The following ZNF385D variants were observed in gnomAD, a reference collection of about 807,000 sequenced individuals.
ZNF385D encodes the protein zinc finger protein 659.
ZNF385D carries 15 observed loss-of-function variants against 35.8 expected under a neutral mutation model. The ratio of observed to expected loss-of-function variants is 0.42; its 90% CI spans 0.28 to 0.64. The LOEUF (loss-of-function observed/expected upper bound fraction) is 0.64, where lower values mean the gene tolerates loss of function less well. ZNF385D is among the 30% of genes least tolerant of loss of function. ZNF385D has a pLI of 0.23. For missense variants in ZNF385D, 474 were observed against 494.6 expected (o/e 0.96, Z 0.39); for synonymous variants, 212 against 186.8 (o/e 1.13, Z -1.10).
chr3:21,909,333 AC>A (rs1699848011), intron 3 of ZNF385D, among the ~76,000 whole-genome samples: 1 of 152,050 alleles, frequency 6.6e-6, no homozygotes, highest in African/African-American at 2.4e-5. Context: ...ATGTAACAAC[AC>A]AAAATAACTC....
At chr3:21,644,378 G>A (rs1026870566) in intron 2 of ZNF385D, among the ~76,000 whole-genome samples, 1 of 152,106 alleles carries the variant, frequency 6.6e-6, no homozygotes, top group Non-Finnish European at 1.5e-5. Context: ...AGCCCACCTT[G>A]CATAGGACAC....
At chr3:21,947,163 A>C (rs1345734315) in intron 3 of ZNF385D, among the ~76,000 whole-genome samples, 2 of 152,168 alleles carry the variant, frequency 1.3e-5, no homozygotes, top group Non-Finnish European at 2.9e-5. Context: ...ACTTGGATAT[A>C]AGGAACACTG....
intron 2 of ZNF385D, among the ~76,000 whole-genome samples, chr3:22,240,063 G>GTC (rs1484097994): frequency 6.7e-6 from 1 of 149,156 alleles, no homozygotes; most frequent in Non-Finnish European, 1.5e-5. Context: ...CATGCCTGTA[G>GTC]TCTCAGCTAC....
At chr3:21,742,505 A>G (rs183607000) in intron 1 of ZNF385D, among the ~76,000 whole-genome samples, 1 of 152,344 alleles carries the variant, frequency 6.6e-6, no homozygotes, top group East Asian at 1.9e-4. Flanking sequence ...ACAGACGTAG[A>G]GGCTAAAGCC....
chr3:21,468,218 C>G (rs1009127613), intron 4 of ZNF385D, among the ~76,000 whole-genome samples: 1 of 151,630 alleles, frequency 6.6e-6, no homozygotes, highest in African/African-American at 2.4e-5. Context: ...GCCTGGCCAA[C>G]ATGGTGAAAC....
intron 2 of ZNF385D, among the ~76,000 whole-genome samples, chr3:21,657,054 A>G (rs1485706913): frequency 6.6e-6 from 1 of 151,904 alleles, no homozygotes; most frequent in Non-Finnish European, 1.5e-5. Flanking sequence ...ATATCTATAT[A>G]TAAATATATA....
rs142382428 is a variant in ZNF385D, at chr3:21,976,660, T to C, written c.325+192157A>G. On this transcript the variant is annotated intron_variant, in intron 3 of 5. Transcript: ENST00000494108. ...TTAACTCCAGAATTGGTAAATATAT[T>C]TTGGTACATCCATAAAATGGAAAAT... Among the ~76,000 whole-genome samples the C allele has an allele frequency of 2.5e-3, 376 of 152,252 alleles. 1 individual carries two copies. Among genetic ancestry groups the C allele is most frequent in the African/African-American group, 8.6e-3 (358 of 41,556 alleles).
At chr3:22,208,883 A>G (rs1261434884) in intron 2 of ZNF385D, among the ~76,000 whole-genome samples, 1 of 151,892 alleles carries the variant, frequency 6.6e-6, no homozygotes, top group Non-Finnish European at 1.5e-5. Flanking sequence ...AAAGGCTCCT[A>G]GAAAATCATG....
chr3:22,314,313 ATTC>A (rs1703762840), intron 2 of ZNF385D, among the ~76,000 whole-genome samples: 1 of 152,014 alleles, frequency 6.6e-6, no homozygotes, highest in Non-Finnish European at 1.5e-5. Flanking sequence ...CTATCGTATC[ATTC>A]TTATGCCTTT....
chr3:21,693,882 CTT>C (rs555946193), intron 1 of ZNF385D, among the ~76,000 whole-genome samples: 4 of 118,362 alleles, frequency 3.4e-5, no homozygotes, highest in Non-Finnish European at 5.4e-5. Flanking sequence ...CTTTTTTTTT[CTT>C]TTTTTTTTTT....
At chr3:22,168,320 T>C (rs887914816) in intron 3 of ZNF385D, among the ~76,000 whole-genome samples, 4 of 152,188 alleles carry the variant, frequency 2.6e-5, no homozygotes, top group African/African-American at 4.8e-5. Flanking sequence ...TCTAAAGTTA[T>C]TAAATAAACC....
rs1223952220 is a variant in ZNF385D at position 21,646,062 on chromosome 3, C to A, written c.165+18824G>T. Among the ~76,000 whole-genome samples, 10 of 151,934 alleles carry A rather than the reference C, an allele frequency of 6.6e-5. No individual in the cohort carries two copies. The highest frequency in any genetic ancestry group is 6.6e-4 in the Admixed American group (10 of 15,248). On this transcript the variant is annotated intron_variant, in intron 2 of 7. Transcript: ENST00000281523. The surrounding 1 kb of genome is among the most constrained non-coding windows in gnomAD (Gnocchi z 4.3). ...TCATTTACAGGGAATGAGAAAATACCTAAAAAGAATGTGGAGGCTGAGGCC... is the reference window on the plus strand; with the variant it reads ...TCATTTACAGGGAATGAGAAAATACATAAAAAGAATGTGGAGGCTGAGGCC...
chr3:21,994,038 A>G (rs1695312247), intron 3 of ZNF385D, among the ~76,000 whole-genome samples: 1 of 152,182 alleles, frequency 6.6e-6, no homozygotes, highest in South Asian at 2.1e-4. Flanking sequence ...TCTAAGAATC[A>G]TTTAGCATAA....
chr3:22,204,081 T>C (rs1371356486), intron 2 of ZNF385D, among the ~76,000 whole-genome samples: 1 of 152,052 alleles, frequency 6.6e-6, no homozygotes, highest in Non-Finnish European at 1.5e-5. Flanking sequence ...ATCCCAATGG[T>C]GGTGGCCACA....
intron 2 of ZNF385D, among the ~76,000 whole-genome samples, chr3:22,221,600 G>A (rs1159763740): frequency 2.0e-5 from 3 of 151,728 alleles, no homozygotes; most frequent in Non-Finnish European, 4.4e-5. Flanking sequence ...ATCACTTCAG[G>A]GTTTTATGAA....
intron 3 of ZNF385D, among the ~76,000 whole-genome samples, chr3:22,154,766 A>C (rs551553293): frequency 2.0e-5 from 3 of 152,306 alleles, no homozygotes; most frequent in East Asian, 1.9e-4. Context: ...GGCATTGCTC[A>C]TAAGAGTAAG....
intron 4 of ZNF385D, among the ~76,000 whole-genome samples, chr3:21,454,108 C>T (rs9883841): frequency 0.23 from 35,210 of 151,944 alleles, 5,266 homozygotes; most frequent in African/African-American, 0.43. Context: ...AAATACCACA[C>T]GTTGTATGAT....
At chr3:22,084,019 G>A (rs1011182099) in intron 3 of ZNF385D, among the ~76,000 whole-genome samples, 4 of 152,124 alleles carry the variant, frequency 2.6e-5, no homozygotes, top group African/African-American at 9.7e-5. Context: ...ATACTTTACA[G>A]ACAAGGAAAT....
At chr3:21,540,065 T>C (rs1486611658) in intron 3 of ZNF385D, among the ~76,000 whole-genome samples, 1 of 152,162 alleles carries the variant, frequency 6.6e-6, no homozygotes, top group Non-Finnish European at 1.5e-5. Context: ...TAGTAATACA[T>C]AGGCTACACT....
Sources: gnomAD v4.1 joint callset for allele counts (sites outside exome capture counted in the v4.1 genomes callset) on GRCh38, gnomAD v4.1.1 for gene constraint, Gnocchi (gnomAD v3.1) non-coding constraint, MANE v1.5 for transcripts, NCBI Gene and HGNC (gene_info 2026-07-23, HGNC 2026-07-21) for gene names.